The following TRIP12 variants were observed in gnomAD, a reference collection of about 807,000 sequenced individuals.
TRIP12 encodes the protein thyroid hormone receptor interactor 12.
TRIP12 carries 25 observed loss-of-function variants against 244.2 expected under a neutral mutation model. The observed-to-expected ratio is 0.10, with a 90% CI of 0.07 to 0.14. TRIP12 has a LOEUF of 0.14. Ranked by LOEUF, TRIP12 falls within the 10% of genes least tolerant of loss-of-function variation. The pLI is 1.00. For synonymous variants in TRIP12, 905 were observed against 873.1 expected, an observed-to-expected ratio of 1.04 and a Z score of -0.64; for missense variants, 1,677 against 2,486.4, an observed-to-expected ratio of 0.67 and a Z score of 6.92.
intron 1 of TRIP12, among the ~76,000 whole-genome samples, chr2:229,893,139 G>A (rs1469955392): frequency 6.6e-6 from 1 of 152,138 alleles, no homozygotes; most frequent in African/African-American, 2.4e-5. Context: ...CTTCTACAAT[G>A]AAAAGTTTTA....
chr2:229,772,468 T>C (rs2034724640), intron 38 of TRIP12, among the ~76,000 whole-genome samples: 1 of 152,092 alleles, frequency 6.6e-6, no homozygotes, highest in Non-Finnish European at 1.5e-5. Flanking sequence ...ACTCTGGTTA[T>C]TATTATTATT....
chr2:229,871,018 C>T (rs1576404385), intron 2 of TRIP12, among the ~76,000 whole-genome samples: 1 of 152,100 alleles, frequency 6.6e-6, no homozygotes, highest in East Asian at 1.9e-4. Flanking sequence ...ATTAGGCAGG[C>T]ATGGTGGTGC....
intron 2 of TRIP12, among the ~76,000 whole-genome samples, chr2:229,875,463 T>TA (rs2063418607): frequency 6.6e-6 from 1 of 152,084 alleles, no homozygotes. Flanking sequence ...AATTCAAAAC[T>TA]AAAGTTTATA....
intron 2 of TRIP12, among the ~76,000 whole-genome samples, chr2:229,868,399 C>T (rs374753005): frequency 1.3e-5 from 2 of 152,092 alleles, no homozygotes; most frequent in East Asian, 3.9e-4. Flanking sequence ...GACAGGGTTT[C>T]GCCATTTTGC....
At position 229,792,201 on chromosome 2, in the gene TRIP12, A is replaced by G. The variant is rs776312410; in HGVS notation, c.4167T>C (p.Asp1389=). 6.2e-7 allele frequency: 1 copy of G among 1,614,058 alleles called. No homozygotes were observed. Among genetic ancestry groups the G allele is most frequent in the Non-Finnish European group, 8.5e-7 (1 of 1,179,972 alleles). Residue 1389 remains aspartate (D), a synonymous_variant, in exon 28 of 42, where the codon GAT becomes GAC. Coordinates refer to ENST00000675903, the MANE Select transcript of TRIP12 (RefSeq NM_001348323.3). The part of the protein sequence containing the change: ...VRGYGRVRED[D]EDSDDDGSDE... ...CTGATCCATCGTCATCGCTGTCTTCATCATCTTCTCTTACTCTTCCATACC... is the reference window on the plus strand; with the variant it reads ...CTGATCCATCGTCATCGCTGTCTTCGTCATCTTCTCTTACTCTTCCATACC...
At chr2:229,799,222 C>T (rs2043580130) in intron 22 of TRIP12, 61 bp downstream of exon 22, 5 of 1,581,890 alleles carry the variant, frequency 3.2e-6, no homozygotes, top group Non-Finnish European at 3.5e-6. Flanking sequence ...TAATAAAGTA[C>T]ATTTCTGCAC....
intron 4 of TRIP12, among the ~76,000 whole-genome samples, chr2:229,844,387 AGTTAT>A (rs1372883456): frequency 1.3e-5 from 2 of 152,216 alleles, no homozygotes; most frequent in Non-Finnish European, 2.9e-5. Flanking sequence ...TTTTACTCTT[AGTTAT>A]GTTATGTTAA....
chr2:229,783,498 C>A (rs1458204437), intron 34 of TRIP12, among the ~76,000 whole-genome samples: 2 of 152,030 alleles, frequency 1.3e-5, no homozygotes, highest in Non-Finnish European at 2.9e-5. Flanking sequence ...TTTCTAGAAA[C>A]CAACAAACAA....
intron 1 of TRIP12, among the ~76,000 whole-genome samples, chr2:229,902,334 C>T (rs2071169160): frequency 6.6e-6 from 1 of 152,040 alleles, no homozygotes. Context: ...GAGCCGAGAT[C>T]GCGCCACTCT....
In TRIP12 at chr2:229,845,248, T is replaced by G. The variant is rs554278021; in HGVS notation, c.1028-4321A>C. ...TTACCACCCATCATGTGAACTGATT[T>G]GTATTTCCATTTAATTTTGGTTGAA... On this transcript the variant is annotated intron_variant, in intron 4 of 41. Transcript: ENST00000675903. Among the ~76,000 whole-genome samples, 4 of 152,350 alleles carry G rather than the reference T, an allele frequency of 2.6e-5. No individual in the cohort carries two copies. The East Asian group carries it at 7.7e-4, about 29-fold the overall frequency.
chr2:229,848,228 G>T (rs1439460013), intron 4 of TRIP12, among the ~76,000 whole-genome samples: 1 of 152,058 alleles, frequency 6.6e-6, no homozygotes, highest in Admixed American at 6.5e-5. Context: ...AATTACACTT[G>T]AGTATGAGGA....
chr2:229,917,261 G>A (rs1429417601), intron 1 of TRIP12, among the ~76,000 whole-genome samples: 3 of 151,248 alleles, frequency 2.0e-5, no homozygotes, highest in African/African-American at 7.3e-5. Context: ...GGCACCTGTA[G>A]TCCCAGCTAC....
In TRIP12 at chr2:229,791,763, C is replaced by T. The variant is rs2041603393; in HGVS notation, c.4415+103G>A. The T allele has an allele frequency of 3.2e-6, 4 of 1,244,228 alleles. No homozygotes were observed. In the South Asian group the frequency reaches 4.2e-5, roughly 13 times the overall value. 77.1% of individuals were successfully genotyped at this position (1,244,228 alleles called of 1,614,324 possible). ...GAACTAAAATGTGTGATTTAGGGCC[C>T]CCTATCCTTATGAAAGCCAGCCATT... is the stretch of plus-strand genomic sequence containing the variant. On this transcript the variant is annotated intron_variant, in intron 29 of 41. Coordinates refer to ENST00000675903, the MANE Select transcript of TRIP12 (RefSeq NM_001348323.3).
chr2:229,770,895 G>A (rs1267620759), intron 39 of TRIP12, among the ~76,000 whole-genome samples: 1 of 152,154 alleles, frequency 6.6e-6, no homozygotes, highest in African/African-American at 2.4e-5. Context: ...CCATGATTGT[G>A]AGGCCTCCCC....
chr2:229,864,690 T>C (rs1165246931), intron 2 of TRIP12, among the ~76,000 whole-genome samples: 1 of 152,136 alleles, frequency 6.6e-6, no homozygotes, highest in Admixed American at 6.5e-5. Context: ...GAACCAACAC[T>C]ACTTCCACGT....
rs2060109119 is a variant in TRIP12, at chr2:229,859,304, T to C, written c.495A>G (p.Lys165=). Residue 165 remains lysine, a synonymous_variant, in exon 4 of 42, where the codon AAA becomes AAG. Transcript: ENST00000675903. The part of the protein sequence containing the change: ...KRHLDQEQQL[K]SAQSPSTSKA... ...TGCTTGTTGATGGTGATTGTGCAGATTTCAGTTGTTGCTCCTGGTCTAAAT... is the reference window on the plus strand; with the variant it reads ...TGCTTGTTGATGGTGATTGTGCAGACTTCAGTTGTTGCTCCTGGTCTAAAT... The C allele has an allele frequency of 6.2e-7, 1 of 1,614,110 alleles. No individual in the cohort carries two copies. The highest frequency in any genetic ancestry group is 8.5e-7 in the Non-Finnish European group (1 of 1,180,044).
At chr2:229,779,872 C>T (rs895715929) in intron 34 of TRIP12, among the ~76,000 whole-genome samples, 2 of 152,178 alleles carry the variant, frequency 1.3e-5, no homozygotes, top group African/African-American at 4.8e-5. Context: ...TCATAGCTTG[C>T]TCCTTCCTTC....
At chr2:229,834,569 G>A (rs149434563) in intron 6 of TRIP12, among the ~76,000 whole-genome samples, 6 of 152,236 alleles carry the variant, frequency 3.9e-5, no homozygotes, top group African/African-American at 9.6e-5. Context: ...ACAGCAGCCC[G>A]GCCAACATGG....
Position 229,859,071 on chromosome 2 carries a change from G to C in TRIP12, c.728C>G (p.Ser243Cys), listed in dbSNP as rs1385161161. Residue 243 changes from serine (S) to cysteine (C), a missense_variant, in exon 4 of 42, where the codon TCT becomes TGT. Ser to Cys is a moderately radical substitution (Grantham distance 112, BLOSUM62 -1). Around this residue, in one of 11 missense-constraint regions of TRIP12, gnomAD observed 387 missense variants for 392.6 expected, o/e 0.99. Transcript: ENST00000675903. ...STITDSSSAA[S>C]TSSSSSAVAS... Reference sequence around the variant, plus strand: ...TACAGCAGAAGACGAGGAGGAAGTAGAGGCAGCAGAAGAAGAATCAGTGAT... The same window carrying C: ...TACAGCAGAAGACGAGGAGGAAGTACAGGCAGCAGAAGAAGAATCAGTGAT... 2 of 1,614,224 alleles carry C rather than the reference G, an allele frequency of 1.2e-6. No homozygotes were observed. Among genetic ancestry groups the C allele is most frequent in the Non-Finnish European group, 1.7e-6 (2 of 1,180,028 alleles).
Sources: allele counts gnomAD v4.1 joint callset (sites outside exome capture counted in the v4.1 genomes callset), GRCh38; gene constraint gnomAD v4.1.1; regional missense constraint gnomAD v4.1.1; transcripts MANE v1.5; gene names NCBI Gene and HGNC (gene_info 2026-07-23, HGNC 2026-07-21).